Variants in CTNND2 observed in about 807,000 individuals in gnomAD.
The protein encoded by CTNND2 is catenin delta 2.
A neutral mutation model predicts 144.4 loss-of-function variants in CTNND2; 22 were observed. That is an observed-to-expected ratio of 0.15 (90% CI 0.11 to 0.22). The LOEUF is 0.22. Among genes scored for constraint, CTNND2 ranks in the 10% least tolerant of loss-of-function variants. The pLI is 1.00. For synonymous variants in CTNND2, 751 were observed against 695.6 expected, an observed-to-expected ratio of 1.08 and a Z score of -1.25; for missense variants, 1,353 against 1,618.8, an observed-to-expected ratio of 0.84 and a Z score of 2.82.
chr5:11,145,233 G>A (rs1757131251), intron 12 of CTNND2, among the ~76,000 whole-genome samples: 2 of 152,022 alleles, frequency 1.3e-5, no homozygotes, highest in Admixed American at 1.3e-4. Flanking sequence ...ATATTTTAAT[G>A]CAATATTTTT....
intron 1 of CTNND2, among the ~76,000 whole-genome samples, chr5:11,732,475 A>G (rs1787446156): frequency 1.3e-5 from 2 of 152,208 alleles, no homozygotes; most frequent in South Asian, 4.1e-4. Context: ...TCTTTTATCA[A>G]CTCCAACCAA....
At chr5:11,585,567 C>T (rs1221701834) in intron 2 of CTNND2, among the ~76,000 whole-genome samples, 1 of 151,560 alleles carries the variant, frequency 6.6e-6, no homozygotes, top group African/African-American at 2.4e-5. Context: ...CCAGGCACAG[C>T]CTAAGTGCTA....
intron 3 of CTNND2, among the ~76,000 whole-genome samples, chr5:11,473,767 G>A (rs1186243113): frequency 6.6e-6 from 1 of 152,202 alleles, no homozygotes; most frequent in Non-Finnish European, 1.5e-5. Flanking sequence ...AGGCACCACT[G>A]GAGATACTAG....
At position 11,904,334 on chromosome 5, in the gene CTNND2, G is replaced by C. The variant is rs1483123020; in HGVS notation, c.-481C>G. The stretch of plus-strand genomic sequence containing the variant: ...CGCCGCCTCAGCCGCCGAGGGCGAG[G>C]CTCCTCCCGCGGCGCGCGGCAGCCT... On this transcript the variant is annotated 5_prime_UTR_variant, in exon 1 of 22. Coordinates refer to ENST00000304623, the MANE Select transcript of CTNND2 (RefSeq NM_001332.4). This position sits in a 1 kb window ranked among gnomAD's most constrained non-coding sequence, Gnocchi z 4.2. Among the ~76,000 whole-genome samples the C allele has an allele frequency of 6.7e-6, 1 of 149,600 alleles. No individual in the cohort carries two copies. Among genetic ancestry groups the C allele is most frequent in the Non-Finnish European group, 1.5e-5 (1 of 67,312 alleles).
chr5:11,171,565 C>A (rs1261132613), intron 11 of CTNND2, among the ~76,000 whole-genome samples: 3 of 152,122 alleles, frequency 2.0e-5, no homozygotes, highest in South Asian at 2.1e-4. Context: ...TTTGTGAATG[C>A]CTGTTGAGAC....
chr5:11,784,653 G>A (rs1027801472), intron 1 of CTNND2, among the ~76,000 whole-genome samples: 1 of 152,190 alleles, frequency 6.6e-6, no homozygotes. Flanking sequence ...TTAATCAAGT[G>A]AACTGGTTTT....
intron 2 of CTNND2, among the ~76,000 whole-genome samples, chr5:11,575,993 C>T (rs959633491): frequency 2.0e-5 from 3 of 152,156 alleles, no homozygotes; most frequent in African/African-American, 7.2e-5. Flanking sequence ...TACAAACCTA[C>T]TCCCACTTCT....
intron 1 of CTNND2, among the ~76,000 whole-genome samples, chr5:11,894,793 C>T (rs1198470427): frequency 2.0e-5 from 3 of 152,168 alleles, no homozygotes; most frequent in South Asian, 4.1e-4. Context: ...ACTTGGCATC[C>T]TAAGGCAGTG....
intron 1 of CTNND2, among the ~76,000 whole-genome samples, chr5:11,888,609 G>A (rs1489117832): frequency 6.6e-6 from 1 of 152,144 alleles, no homozygotes; most frequent in African/African-American, 2.4e-5. Context: ...CCATTGAGGA[G>A]AGTGAAAATA....
chr5:11,757,528 A>G (rs912934525), intron 1 of CTNND2, among the ~76,000 whole-genome samples: 2 of 151,958 alleles, frequency 1.3e-5, no homozygotes, highest in Admixed American at 1.3e-4. Context: ...GCTGTGACAG[A>G]TGCAGCCATC....
intron 19 of CTNND2, among the ~76,000 whole-genome samples, chr5:10,990,050 G>A (rs1012243235): frequency 3.9e-5 from 6 of 152,210 alleles, no homozygotes; most frequent in African/African-American, 1.2e-4. Flanking sequence ...AAATGCAATG[G>A]CAGACAGGGA....
chr5:11,703,310 T>C (rs1785539151), intron 2 of CTNND2, among the ~76,000 whole-genome samples: 1 of 152,250 alleles, frequency 6.6e-6, no homozygotes, highest in South Asian at 2.1e-4. Context: ...TATCAGGAGA[T>C]AGCAACCACC....
chr5:11,202,794 TTTTTTC>T (rs910001959), intron 10 of CTNND2, among the ~76,000 whole-genome samples: 2 of 152,056 alleles, frequency 1.3e-5, no homozygotes, highest in Non-Finnish European at 2.9e-5. Flanking sequence ...CCAATTTCTT[TTTTTTC>T]TTTTTCTTTT....
intron 16 of CTNND2, among the ~76,000 whole-genome samples, chr5:11,035,542 T>C (rs1479144752): frequency 6.6e-6 from 1 of 152,222 alleles, no homozygotes; most frequent in Non-Finnish European, 1.5e-5. Flanking sequence ...TAAACCTTAA[T>C]TCCCCTTGGC....
rs546966877 is a variant in CTNND2 at position 11,408,057 on chromosome 5, T to C, written c.439+3479A>G. Among the ~76,000 whole-genome samples the C allele has an allele frequency of 2.0e-5, 3 of 152,116 alleles. No homozygotes were observed. In the South Asian group the frequency reaches 6.2e-4, roughly 32 times the overall value. ...ATGACATTGATTCCCCGCTTGCTGC[T>C]AGACTCTGCTGGGGATAGTTCCTTG... is the stretch of plus-strand genomic sequence containing the variant. On this transcript the variant is annotated intron_variant, in intron 5 of 21. Coordinates refer to ENST00000304623, the MANE Select transcript of CTNND2 (RefSeq NM_001332.4).
At chr5:11,597,631 T>C (rs1162887156) in intron 2 of CTNND2, among the ~76,000 whole-genome samples, 1 of 152,078 alleles carries the variant, frequency 6.6e-6, no homozygotes, top group Non-Finnish European at 1.5e-5. Context: ...TTGTGTGCAG[T>C]GGTGTGATCA....
intron 2 of CTNND2, among the ~76,000 whole-genome samples, chr5:11,633,373 C>T (rs891270025): frequency 4.6e-5 from 7 of 152,090 alleles, no homozygotes; most frequent in South Asian, 2.1e-4. Context: ...AAACTAACTA[C>T]GGAGCCCCAA....
At chr5:11,860,780 T>C (rs1321066656) in intron 1 of CTNND2, among the ~76,000 whole-genome samples, 5 of 152,166 alleles carry the variant, frequency 3.3e-5, no homozygotes, top group African/African-American at 9.6e-5. Context: ...TTGAAGAAGG[T>C]TGGCACATCT....
intron 11 of CTNND2, among the ~76,000 whole-genome samples, chr5:11,173,391 C>G (rs1760132447): frequency 1.3e-5 from 2 of 152,216 alleles, no homozygotes. Context: ...TGCTGACCAC[C>G]CTCTAGATCA....
Sources: allele counts gnomAD v4.1 joint callset (sites outside exome capture counted in the v4.1 genomes callset), GRCh38; gene constraint gnomAD v4.1.1; non-coding constraint Gnocchi (gnomAD v3.1); transcripts MANE v1.5; gene names NCBI Gene and HGNC (gene_info 2026-07-23, HGNC 2026-07-21).